Variants in NGLY1 observed in about 807,000 individuals in gnomAD.
NGLY1 encodes the protein peptide-N(4)-(N-acetyl-beta-glucosaminyl)asparagine amidase.
In NGLY1, 68 loss-of-function variants were observed where a neutral mutation model predicts 84.6. The observed-to-expected ratio is 0.80, with a 90% confidence interval of 0.66 to 0.98. The LOEUF is 0.98. NGLY1 is among the 50% of genes least tolerant of loss of function. The pLI is 0.00. For synonymous variants in NGLY1, 280 were observed against 275.2 expected (o/e 1.02, Z -0.17); for missense variants, 779 against 770.2 (o/e 1.01, Z -0.14).
chr3:25,781,847 T>C (rs1025663556), intron 1 of NGLY1, among the ~76,000 whole-genome samples: 4 of 152,326 alleles, frequency 2.6e-5, no homozygotes, highest in African/African-American at 9.6e-5. Context: ...GAGGCTTCAT[T>C]ACAAGGCCAC....
At chr3:25,770,956 C>A (rs759930585) in intron 2 of NGLY1, among the ~76,000 whole-genome samples, 1 of 152,008 alleles carries the variant, frequency 6.6e-6, no homozygotes, top group Admixed American at 6.6e-5. Flanking sequence ...AGTCCTTTGT[C>A]GGATACTTAG....
chr3:25,729,304 C>G lies in NGLY1; in HGVS notation c.1440G>C (p.Leu480Phe), dbSNP rs971586228. The G allele has an allele frequency of 7.1e-7, 1 of 1,407,616 alleles. No individual in the cohort carries two copies. The highest frequency in any genetic ancestry group is 9.4e-7 in the Non-Finnish European group (1 of 1,067,398). The allele number at this position is 1,407,616 out of a possible 1,614,324, so 87.2% of individuals were successfully genotyped here. Reference sequence around the variant, plus strand: ...TCTTCTCATTTTCACAGGGAATAAACAAGGTTTCTTTTCTCTTAAAAAGAA... The same window carrying G: ...TCTTCTCATTTTCACAGGGAATAAAGAAGGTTTCTTTTCTCTTAAAAAGAA... ...GEMGLQRKETLFIPCENEKIS... is the reference protein window; with the variant it reads ...GEMGLQRKETFFIPCENEKIS... The change falls in exon 10 of 12, where the codon TTG becomes TTC. Residue 480 changes from leucine to phenylalanine, a missense_variant. Leu to Phe is a conservative substitution (Grantham distance 22). Transcript: ENST00000280700.
At chr3:25,787,965 G>C (rs1708640834), upstream of NGLY1, among the ~76,000 whole-genome samples, 1 of 152,160 alleles carries the variant, frequency 6.6e-6, no homozygotes, top group South Asian at 2.1e-4. Flanking sequence ...GCAGTTCAAG[G>C]ATCATTTCTC....
intron 3 of NGLY1, chr3:25,755,395 T>C (rs941424980): frequency 4.2e-5 from 59 of 1,404,086 alleles, no homozygotes; most frequent in African/African-American, 9.9e-5. Flanking sequence ...CTACCACTCC[T>C]ACTATAGTGA....
chr3:25,766,832 G>A (rs958640890), intron 2 of NGLY1, among the ~76,000 whole-genome samples: 2 of 152,076 alleles, frequency 1.3e-5, no homozygotes, highest in Admixed American at 6.6e-5. Flanking sequence ...AGACAGATAC[G>A]CTGCTCATGC....
chr3:25,742,361 C>G (rs767043151), intron 4 of NGLY1, among the ~76,000 whole-genome samples: 4 of 152,088 alleles, frequency 2.6e-5, no homozygotes, highest in Non-Finnish European at 4.4e-5. Flanking sequence ...TATGTACAAT[C>G]AAACACTATG....
chr3:25,740,852 T>A (rs1229384296), intron 4 of NGLY1, among the ~76,000 whole-genome samples: 1 of 151,934 alleles, frequency 6.6e-6, no homozygotes, highest in Non-Finnish European at 1.5e-5. Context: ...GCTAGCCAGG[T>A]GTGGCGGCTC....
chr3:25,755,601 T>G lies in NGLY1; in HGVS notation c.493-4338A>C, dbSNP rs1706998153. 6.1e-6 allele frequency: 9 copies of G among 1,480,576 alleles called. 1 individual carries two copies. The highest frequency in any genetic ancestry group is 8.5e-6 in the Non-Finnish European group (9 of 1,061,028). 91.7% of individuals were successfully genotyped at this position (1,480,576 alleles called of 1,614,324 possible). A position where few individuals can be genotyped will look rare whatever the true frequency, so the allele number is the denominator to read the frequency against. On this transcript the variant is annotated intron_variant, in intron 3 of 11. Coordinates refer to ENST00000280700, the MANE Select transcript of NGLY1 (RefSeq NM_018297.4). Reference sequence around the variant, plus strand: ...TATTCTTATTCCCATCAACATGGTTTCATCATAGAACACAGCCAATGAAGC... The same window carrying G: ...TATTCTTATTCCCATCAACATGGTTGCATCATAGAACACAGCCAATGAAGC...
chr3:25,725,079 A>G (rs1422459942), intron 10 of NGLY1, among the ~76,000 whole-genome samples: 1 of 152,236 alleles, frequency 6.6e-6, no homozygotes, highest in Non-Finnish European at 1.5e-5. Context: ...GTCCTGTTCC[A>G]TACCCTGGAG....
intron 3 of NGLY1, among the ~76,000 whole-genome samples, chr3:25,757,996 T>C (rs934752753): frequency 6.6e-6 from 1 of 152,172 alleles, no homozygotes; most frequent in African/African-American, 2.4e-5. Flanking sequence ...GAATTACAGA[T>C]TATATGATTT....
intron 2 of NGLY1, among the ~76,000 whole-genome samples, chr3:25,766,830 A>T (rs150610095): frequency 2.9e-4 from 44 of 152,324 alleles, no homozygotes; most frequent in African/African-American, 1.1e-3. Flanking sequence ...TAAGACAGAT[A>T]CGCTGCTCAT....
In NGLY1 at chr3:25,778,678, C is replaced by A. The variant is rs757062869; in HGVS notation, c.142G>T (p.Asp48Tyr). Residue 48 changes from aspartate to tyrosine, a missense_variant, in exon 2 of 12, where the codon GAT becomes TAT. Coordinates refer to ENST00000280700, the MANE Select transcript of NGLY1 (RefSeq NM_018297.4). ...ATCCGGATGGATCTATATTTTTCATCATTAGGGTTTCTGACAAAAAACAAA... is the reference window on the plus strand; with the variant it reads ...ATCCGGATGGATCTATATTTTTCATAATTAGGGTTTCTGACAAAAAACAAA... ...YADNILRNPNDEKYRSIRIGN... is the reference protein window; with the variant it reads ...YADNILRNPNYEKYRSIRIGN... The A allele has an allele frequency of 6.3e-7, 1 of 1,593,952 alleles. No individual in the cohort carries two copies. Among genetic ancestry groups the A allele is most frequent in the Non-Finnish European group, 8.5e-7 (1 of 1,171,356 alleles).
intron 3 of NGLY1, among the ~76,000 whole-genome samples, chr3:25,757,867 A>G (rs912233502): frequency 1.3e-5 from 2 of 152,226 alleles, no homozygotes; most frequent in African/African-American, 4.8e-5. Flanking sequence ...TGGAGAAGCT[A>G]CCCTGAGGTA....
chr3:25,719,859 T>C (rs376319047), intron 11 of NGLY1, among the ~76,000 whole-genome samples, 155 bp downstream of exon 11: 2 of 148,414 alleles, frequency 1.3e-5, no homozygotes, highest in African/African-American at 4.9e-5. Context: ...TCTGTTACAA[T>C]GGGATCACAC....
At chr3:25,773,688 C>G (rs1232070674) in intron 2 of NGLY1, among the ~76,000 whole-genome samples, 7 of 151,884 alleles carry the variant, frequency 4.6e-5, no homozygotes, top group Non-Finnish European at 1.0e-4. Flanking sequence ...GTTAAAGAAC[C>G]CTGTTTTGTC....
At chr3:25,734,710 G>A (rs879409703) in intron 7 of NGLY1, 14 of 830,900 alleles carry the variant, frequency 1.7e-5, no homozygotes, top group South Asian at 1.1e-4. Flanking sequence ...AGACTGTCTC[G>A]AAAAATTAAA....
At chr3:25,767,405 C>A (rs1707639185) in intron 2 of NGLY1, among the ~76,000 whole-genome samples, 1 of 152,112 alleles carries the variant, frequency 6.6e-6, no homozygotes, top group African/African-American at 2.4e-5. Context: ...CTGACCCTGA[C>A]CACTAAATGC....
chr3:25,760,860 C>CAAAAAAAAAAAAAAAAAAAAAAAAAA (rs760535260), intron 3 of NGLY1, among the ~76,000 whole-genome samples: 1 of 71,674 alleles, frequency 1.4e-5, no homozygotes, highest in Non-Finnish European at 2.4e-5. Context: ...AACTCTGTCT[C>CAAAAAAAAAAAAAAAAAAAAAAAAAA]AAAAAAAAAA....
In NGLY1 at chr3:25,778,658, G is replaced by A; in HGVS notation, c.162C>T (p.Ile54=). 2 of 1,610,978 alleles carry A rather than the reference G, an allele frequency of 1.2e-6. No individual in the cohort carries two copies. Among genetic ancestry groups the A allele is most frequent in the South Asian group, 1.1e-5 (1 of 90,458 alleles). The change falls in exon 2 of 12, where the codon ATC becomes ATT. Residue 54 remains isoleucine, a synonymous_variant. Coordinates refer to ENST00000280700, the MANE Select transcript of NGLY1 (RefSeq NM_018297.4). The part of the protein sequence containing the change: ...RNPNDEKYRS[I]RIGNTAFSTR... Reference sequence around the variant, plus strand: ...TAGAAAAGGCTGTGTTTCCAATCCGGATGGATCTATATTTTTCATCATTAG... The same window carrying A: ...TAGAAAAGGCTGTGTTTCCAATCCGAATGGATCTATATTTTTCATCATTAG...
Sources: allele counts gnomAD v4.1 joint callset (sites outside exome capture counted in the v4.1 genomes callset), GRCh38; gene constraint gnomAD v4.1.1; transcripts MANE v1.5; gene names NCBI Gene and HGNC (gene_info 2026-07-23, HGNC 2026-07-21).